Variants in PITPNB observed in about 807,000 individuals in gnomAD.
PITPNB encodes phosphatidylinositol transfer protein beta, also known as phosphatidylinositol transfer protein beta isoform.
In PITPNB, 16 loss-of-function variants were observed where a neutral mutation model predicts 45.9. That is an observed-to-expected ratio of 0.35 (90% confidence interval 0.24 to 0.53). The LOEUF (loss-of-function observed/expected upper bound fraction) is 0.53. Ranked by LOEUF, PITPNB falls within the 20% of genes least tolerant of loss-of-function variation. The probability of loss-of-function intolerance (pLI) is 0.93; values close to 1 mark genes in which losing one functional copy is unlikely to be tolerated. For synonymous variants in PITPNB, 112 were observed against 108.9 expected, an observed-to-expected ratio of 1.03 and a Z score of -0.18; for missense variants, 188 against 330.5, an observed-to-expected ratio of 0.57 and a Z score of 3.34.
At chr22:27,896,935 G>A (rs1935448882) in intron 5 of PITPNB, 195 bp downstream of exon 5, 1 of 628,862 alleles carries the variant, frequency 1.6e-6, no homozygotes, top group Non-Finnish European at 2.9e-6. Context: ...AAATCAATAG[G>A]GAGATTTTGA....
At position 27,860,134 on chromosome 22, in the gene PITPNB, T is replaced by C. The variant is rs773134455; in HGVS notation, c.642A>G (p.Gln214=). 5 of 1,594,282 alleles carry C rather than the reference T, an allele frequency of 3.1e-6. No individual in the cohort carries two copies. Among genetic ancestry groups the C allele is most frequent in the South Asian group, 2.2e-5 (2 of 90,656 alleles). Residue 214 remains glutamine (Q), a synonymous_variant, in exon 9 of 12, where the codon CAA becomes CAG. Transcript: ENST00000335272. ...CCACATTTTGAGCAGATTTTACCTT[T>C]TGAATGAAGTTTTCTACTTTGCTTT... is the stretch of plus-strand genomic sequence containing the variant. ...GLQSKVENFI[Q]KQEKRIFTNF...
intron 3 of PITPNB, among the ~76,000 whole-genome samples, chr22:27,900,135 G>C (rs1382341548): frequency 6.6e-6 from 1 of 152,106 alleles, no homozygotes; most frequent in Non-Finnish European, 1.5e-5. Flanking sequence ...GGGAGGTGGA[G>C]GGTGCAGTGA....
At chr22:27,875,061 AT>A (rs1934781984) in intron 7 of PITPNB, among the ~76,000 whole-genome samples, 1 of 152,246 alleles carries the variant, frequency 6.6e-6, no homozygotes. Flanking sequence ...GTAAGTGCAT[AT>A]GCCATGTTAG....
Position 27,885,675 on chromosome 22 carries a change from A to C in PITPNB, c.456+8880T>G, listed in dbSNP as rs75610379. ...CAGGCATGAGCCACTGTGTCTGGCCAAAATTTTTAGAATTTAAGGCATATA... is the reference window on the plus strand; with the variant it reads ...CAGGCATGAGCCACTGTGTCTGGCCCAAATTTTTAGAATTTAAGGCATATA... On this transcript the variant is annotated intron_variant, in intron 7 of 11. Coordinates refer to ENST00000335272, the MANE Select transcript of PITPNB (RefSeq NM_012399.5). Among the ~76,000 whole-genome samples the C allele has an allele frequency of 3.0e-4, 46 of 152,302 alleles. No individual in the cohort carries two copies. The East Asian group carries it at 8.7e-3, about 29-fold the overall frequency.
chr22:27,881,182 A>C (rs867200153), intron 7 of PITPNB, among the ~76,000 whole-genome samples: 6 of 152,230 alleles, frequency 3.9e-5, no homozygotes, highest in Admixed American at 1.3e-4. Context: ...TCTCTAACTT[A>C]CTACAAAAGA....
intron 1 of PITPNB, among the ~76,000 whole-genome samples, chr22:27,918,311 G>A (rs1763996129): frequency 6.6e-6 from 1 of 152,100 alleles, no homozygotes; most frequent in African/African-American, 2.4e-5. Flanking sequence ...TGAAGAATTT[G>A]AAAACCAACG....
intron 7 of PITPNB, among the ~76,000 whole-genome samples, chr22:27,880,310 C>G (rs1002910374): frequency 6.6e-6 from 1 of 152,172 alleles, no homozygotes; most frequent in African/African-American, 2.4e-5. Flanking sequence ...GCCTAGGGAG[C>G]CTTCCTTAAA....
chr22:27,887,914 G>C (rs779479986), intron 7 of PITPNB, among the ~76,000 whole-genome samples: 2 of 152,110 alleles, frequency 1.3e-5, no homozygotes, highest in African/African-American at 2.4e-5. Context: ...AATATGTAGT[G>C]ATCTCTTATG....
At chr22:27,888,645 C>A (rs1416579629) in intron 7 of PITPNB, among the ~76,000 whole-genome samples, 1 of 152,144 alleles carries the variant, frequency 6.6e-6, no homozygotes, top group Non-Finnish European at 1.5e-5. Context: ...ACAAAACACA[C>A]CAATGAAATG....
intron 7 of PITPNB, among the ~76,000 whole-genome samples, chr22:27,893,641 G>T (rs954928671): frequency 6.7e-6 from 1 of 148,954 alleles, no homozygotes; most frequent in African/African-American, 2.5e-5. Context: ...CCTGGCTGGG[G>T]TGCAGTGGTA....
rs58288724 is a variant in PITPNB at position 27,872,081 on chromosome 22, G to GTTTT, written c.534+1653_534+1656dup. On this transcript the variant is annotated intron_variant, in intron 8 of 11. Transcript: ENST00000335272. Reference sequence around the variant, plus strand: ...CAGAACCGTGAGCCAATTAAGCCTGGTTTTTTTTTTTTTTTTTTTTTTTTT... The same window carrying GTTTT: ...CAGAACCGTGAGCCAATTAAGCCTGGTTTTTTTTTTTTTTTTTTTTTTTTTTTTT... Among the ~76,000 whole-genome samples, 101 of 64,438 alleles carry GTTTT rather than the reference G, an allele frequency of 1.6e-3. 6 individuals are homozygous for GTTTT. The highest frequency in any genetic ancestry group is 1.7e-3 in the Non-Finnish European group (60 of 35,818). 42.3% of individuals were successfully genotyped at this position (64,438 alleles called of 152,430 possible). A position where few individuals can be genotyped will look rare whatever the true frequency, so the allele number is the denominator to read the frequency against.
chr22:27,909,207 C>CTTTTTTTTTTTTTTTTTTTT (rs34224616), intron 3 of PITPNB, among the ~76,000 whole-genome samples: 16 of 82,234 alleles, frequency 1.9e-4, no homozygotes, highest in Non-Finnish European at 2.0e-4. Context: ...ACTGGTAGTA[C>CTTTTTTTTTTTTTTTTTTTT]TTTTTTTTTT....
intron 7 of PITPNB, among the ~76,000 whole-genome samples, chr22:27,878,716 T>C (rs111373205): frequency 0.011 from 1,695 of 152,358 alleles, 18 homozygotes; most frequent in African/African-American, 0.018. Context: ...AGGAGGGCTG[T>C]TTAAACAGTT....
chr22:27,873,340 C>T (rs78554580), intron 8 of PITPNB, among the ~76,000 whole-genome samples: 78 of 152,296 alleles, frequency 5.1e-4, no homozygotes, highest in Middle Eastern at 3.4e-3. Flanking sequence ...AAAAATATAA[C>T]TATTAAAAGT....
At chr22:27,854,801 T>TCA (rs1403973735) in intron 11 of PITPNB, 53 bp downstream of exon 11, 1 of 1,059,828 alleles carries the variant, frequency 9.4e-7, no homozygotes, top group Non-Finnish European at 1.4e-6. Context: ...TAACTGCCCA[T>TCA]CACCAAAAAG....
At chr22:27,874,621 T>C (rs899077627) in intron 7 of PITPNB, among the ~76,000 whole-genome samples, 2 of 152,132 alleles carry the variant, frequency 1.3e-5, no homozygotes, top group African/African-American at 4.8e-5. Context: ...AAAAGTTCTC[T>C]TGTCATTACA....
intron 4 of PITPNB, among the ~76,000 whole-genome samples, chr22:27,897,457 T>C (rs1846135228): frequency 6.6e-6 from 1 of 152,238 alleles, no homozygotes; most frequent in South Asian, 2.1e-4. Flanking sequence ...CAGAAGTCTG[T>C]CCTATTCCTC....
chr22:27,901,629 C>T (rs1423455932), intron 3 of PITPNB, among the ~76,000 whole-genome samples: 1 of 152,106 alleles, frequency 6.6e-6, no homozygotes, highest in Non-Finnish European at 1.5e-5. Flanking sequence ...CACCTGTAAT[C>T]CAAGCACTTT....
chr22:27,895,853 T>A (rs542097335), intron 6 of PITPNB, among the ~76,000 whole-genome samples: 2 of 152,142 alleles, frequency 1.3e-5, no homozygotes, highest in Non-Finnish European at 2.9e-5. Flanking sequence ...GTCAGAGTAT[T>A]TGCATTTCAA....
Sources: gnomAD v4.1 joint callset for allele counts (sites outside exome capture counted in the v4.1 genomes callset) on GRCh38, gnomAD v4.1.1 for gene constraint, MANE v1.5 for transcripts, NCBI Gene and HGNC (gene_info 2026-07-23, HGNC 2026-07-21) for gene names.